LAMA4: variants seen among roughly 807,000 people sequenced by gnomAD.
LAMA4 encodes the protein laminin subunit alpha-4.
LAMA4 carries 127 observed loss-of-function variants against 207.1 expected under a neutral mutation model. That is an observed-to-expected ratio of 0.61 (90% CI 0.53 to 0.71). The LOEUF (loss-of-function observed/expected upper bound fraction) is 0.71. LAMA4 is among the 30% of genes least tolerant of loss of function. The pLI is 0.00. For missense variants in LAMA4, 2,093 were observed against 2,246.5 expected (o/e 0.93, Z 1.38); for synonymous variants, 761 against 816.0 (o/e 0.93, Z 1.15).
chr6:112,159,545 C>T (rs536374945), intron 13 of LAMA4: 155 of 152,980 alleles, frequency 1.0e-3, no homozygotes, highest in Non-Finnish European at 1.6e-3. Flanking sequence ...CCTTGGCTGG[C>T]CCCTCAATGC....
At chr6:112,183,501 G>A (rs141706802) in intron 9 of LAMA4, among the ~76,000 whole-genome samples, 10 of 152,212 alleles carry the variant, frequency 6.6e-5, no homozygotes, top group Admixed American at 2.0e-4. Flanking sequence ...ACTTTCAAGC[G>A]TACATTATTT....
At chr6:112,167,535 G>A (rs1554340395) in intron 12 of LAMA4, among the ~76,000 whole-genome samples, 1 of 152,148 alleles carries the variant, frequency 6.6e-6, no homozygotes, top group Non-Finnish European at 1.5e-5. Flanking sequence ...AATTTTGTTG[G>A]AAGGAATTAA....
Position 112,129,898 on chromosome 6 carries a change from T to G in LAMA4, c.4111A>C (p.Ile1371Leu), listed in dbSNP as rs974775253. ...SAQYANFTGCISNAYFTRVDR... is the reference protein window; with the variant it reads ...SAQYANFTGCLSNAYFTRVDR... The stretch of plus-strand genomic sequence containing the variant: ...TACCTGGTAAAGTAGGCATTACTTA[T>G]GCAGCCAGTGAAATTAGCATACTGA... The change falls in exon 30 of 39, where the codon ATA (isoleucine) becomes CTA (leucine). Residue 1371 changes from isoleucine to leucine, a missense_variant. Coordinates refer to ENST00000230538, the MANE Select transcript of LAMA4 (RefSeq NM_001105206.3). 54 of 1,609,136 alleles carry G rather than the reference T, an allele frequency of 3.4e-5. No homozygotes were observed. The highest frequency in any genetic ancestry group is 4.4e-5 in the Non-Finnish European group (52 of 1,177,190).
chr6:112,161,611 A>G (rs1161483836), intron 13 of LAMA4, among the ~76,000 whole-genome samples: 1 of 152,212 alleles, frequency 6.6e-6, no homozygotes, highest in Non-Finnish European at 1.5e-5. Context: ...AGGAATTTAC[A>G]GTTTAGTGGG....
At chr6:112,214,754 T>G (rs1187552729) in intron 3 of LAMA4, among the ~76,000 whole-genome samples, 3 of 152,198 alleles carry the variant, frequency 2.0e-5, no homozygotes, top group African/African-American at 4.8e-5. Context: ...AGCCCATCCC[T>G]AAACATTTAT....
chr6:112,194,589 T>G (rs1173006736), intron 5 of LAMA4, among the ~76,000 whole-genome samples: 2 of 152,186 alleles, frequency 1.3e-5, no homozygotes, highest in African/African-American at 4.8e-5. Flanking sequence ...CCTACTTTTA[T>G]ATATAAGAAA....
intron 24 of LAMA4, 94 bp from the exon 25 acceptor site, chr6:112,136,348 T>C: frequency 1.0e-6 from 1 of 976,686 alleles, no homozygotes; most frequent in East Asian, 2.5e-5. Context: ...TATTCTTTAT[T>C]ACTGGAACTA....
At position 112,172,765 on chromosome 6, in the gene LAMA4, T is replaced by A; in HGVS notation, c.1397A>T (p.Glu466Val). The A allele has an allele frequency of 2.5e-6, 4 of 1,614,114 alleles. No individual in the cohort carries two copies. The highest frequency in any genetic ancestry group is 1.7e-4 in the Middle Eastern group (1 of 6,052). Residue 466 changes from glutamate to valine, a missense_variant, in exon 12 of 39, where the codon GAG becomes GTG. Transcript: ENST00000230538. Reference sequence around the variant, plus strand: ...GACGACAGGAAACAGAGTGCGGGTCTCATTGTGCAGCCGCTGCCAGCTCTC... The same window carrying A: ...GACGACAGGAAACAGAGTGCGGGTCACATTGTGCAGCCGCTGCCAGCTCTC... The part of the protein sequence containing the change: ...QAESWQRLHN[E>V]TRTLFPVVLE...
chr6:112,162,789 A>G (rs1781133619), intron 13 of LAMA4, among the ~76,000 whole-genome samples: 1 of 152,122 alleles, frequency 6.6e-6, no homozygotes, highest in South Asian at 2.1e-4. Context: ...GAGGTGTCAT[A>G]GCTGGAGGTA....
Position 112,174,277 on chromosome 6 carries a change from A to T in LAMA4, c.1357+1036T>A, listed in dbSNP as rs1334127670. ...TTCTTGCTCTCTTAAAGCTGCCGTTATGTGAACAACCTGGACTAGCCTTGT... is the reference window on the plus strand; with the variant it reads ...TTCTTGCTCTCTTAAAGCTGCCGTTTTGTGAACAACCTGGACTAGCCTTGT... On this transcript the variant is annotated intron_variant, in intron 11 of 38. Transcript: ENST00000230538. Among the ~76,000 whole-genome samples, 3 of 152,174 alleles carry T rather than the reference A, an allele frequency of 2.0e-5. No individual in the cohort carries two copies. The East Asian group carries it at 5.8e-4, about 29-fold the overall frequency.
chr6:112,128,263 T>G (rs1314517609), intron 31 of LAMA4, among the ~76,000 whole-genome samples: 1 of 152,148 alleles, frequency 6.6e-6, no homozygotes, highest in Non-Finnish European at 1.5e-5. Context: ...AGACTGTTCA[T>G]TGGAACAAGA....
rs1777528864 is a variant in LAMA4, at chr6:112,108,285, T to A, written c.*1152A>T. Among the ~76,000 whole-genome samples the A allele has an allele frequency of 6.6e-6, 1 of 152,210 alleles. No individual in the cohort carries two copies. The highest frequency in any genetic ancestry group is 1.5e-5 in the Non-Finnish European group (1 of 68,040). On this transcript the variant is annotated 3_prime_UTR_variant, in exon 39 of 39. Transcript: ENST00000230538. Reference sequence around the variant, plus strand: ...GAGGTTTTTAGATATAATTCTTTTATTTCATTTCTATATTTTAATATTCTA... The same window carrying A: ...GAGGTTTTTAGATATAATTCTTTTAATTCATTTCTATATTTTAATATTCTA...
chr6:112,197,294 C>T (rs1193489253), intron 5 of LAMA4, among the ~76,000 whole-genome samples: 2 of 151,962 alleles, frequency 1.3e-5, no homozygotes, highest in African/African-American at 4.8e-5. Context: ...CAGGTAGGGC[C>T]CAGAGCAGGC....
intron 17 of LAMA4, 81 bp from the exon 18 acceptor site, chr6:112,148,417 G>C (rs1298373367): frequency 1.4e-6 from 2 of 1,435,570 alleles, no homozygotes; most frequent in Admixed American, 1.7e-5. Context: ...TTTAACCCTT[G>C]AATGAAACAG....
intron 2 of LAMA4, chr6:112,218,294 G>A (rs371192669): frequency 6.6e-6 from 1 of 151,118 alleles, no homozygotes; most frequent in East Asian, 1.9e-4. Flanking sequence ...TGAAACCAAA[G>A]GATCTGCATT....
chr6:112,118,805 T>C lies in LAMA4; in HGVS notation c.4821+351A>G, dbSNP rs587732522. ...TGAAACTTTTTTTTTCACTCAATAA[T>C]GTATAATGCAATGATTTGCTTTCTT... On this transcript the variant is annotated intron_variant, in intron 34 of 38. Coordinates refer to ENST00000230538, the MANE Select transcript of LAMA4 (RefSeq NM_001105206.3). The surrounding 1 kb of genome is among the most constrained non-coding windows in gnomAD (Gnocchi z 4.6). Among the ~76,000 whole-genome samples the C allele has an allele frequency of 1.3e-5, 2 of 152,090 alleles. No individual in the cohort carries two copies. Among genetic ancestry groups the C allele is most frequent in the African/African-American group, 4.8e-5 (2 of 41,486 alleles).
chr6:112,138,668 T>A (rs1339126708), intron 24 of LAMA4, among the ~76,000 whole-genome samples: 35 of 152,140 alleles, frequency 2.3e-4, no homozygotes, highest in African/African-American at 8.2e-4. Flanking sequence ...CATACTATAT[T>A]TATATCTGTT....
intron 12 of LAMA4, among the ~76,000 whole-genome samples, chr6:112,169,489 AT>A (rs1214258587): frequency 6.6e-6 from 1 of 152,252 alleles, no homozygotes; most frequent in Non-Finnish European, 1.5e-5. Context: ...AGACCCACAA[AT>A]AAATCCCTTT....
In LAMA4 at chr6:112,173,363, GTGTTGAATA is replaced by G. The variant is rs533061673; in HGVS notation, c.1358-568_1358-560del. On this transcript the variant is annotated intron_variant, in intron 11 of 38. Coordinates refer to ENST00000230538, the MANE Select transcript of LAMA4 (RefSeq NM_001105206.3). The stretch of plus-strand genomic sequence containing the variant: ...TTTTATTCTCTGCTCAAAGGCACAT[GTGTTGAATA>G]TGTTGAATATGTTAATTTCTGTTTT... Among the ~76,000 whole-genome samples, 43 of 152,324 alleles carry G rather than the reference GTGTTGAATA, an allele frequency of 2.8e-4. No homozygotes were observed. In the South Asian group the frequency reaches 3.9e-3, roughly 14 times the overall value.
Sources: allele counts gnomAD v4.1 joint callset (sites outside exome capture counted in the v4.1 genomes callset), GRCh38; gene constraint gnomAD v4.1.1; non-coding constraint Gnocchi (gnomAD v3.1); transcripts MANE v1.5; gene names NCBI Gene and HGNC (gene_info 2026-07-23, HGNC 2026-07-21).